The following NCOR2 variants were observed in gnomAD, a reference collection of about 807,000 sequenced individuals.
NCOR2 encodes the protein nuclear receptor corepressor 2.
A neutral mutation model predicts 262.9 loss-of-function variants in NCOR2; 81 were observed. The observed-to-expected ratio is 0.31, with a 90% CI of 0.26 to 0.37. The LOEUF is 0.37. NCOR2 is among the 10% of genes least tolerant of loss of function. NCOR2 has a pLI of 1.00. For synonymous variants in NCOR2, 1,659 were observed against 1,559.3 expected (o/e 1.06, Z -1.51); for missense variants, 3,385 against 3,621.4 (o/e 0.93, Z 1.68).
intron 2 of NCOR2, among the ~76,000 whole-genome samples, chr12:124,484,401 G>A (rs571882539): frequency 6.6e-6 from 1 of 152,330 alleles, no homozygotes; most frequent in Non-Finnish European, 1.5e-5. Flanking sequence ...TGTGCCTAGA[G>A]AGGGCATGGC....
chr12:124,480,456 G>A (rs1287505650), intron 3 of NCOR2, among the ~76,000 whole-genome samples: 3 of 152,214 alleles, frequency 2.0e-5, no homozygotes, highest in African/African-American at 7.2e-5. Context: ...CCCTGCCATC[G>A]GCATCCTCTG....
At chr12:124,347,486 C>A (rs771853641) in intron 30 of NCOR2, 2 of 280,722 alleles carry the variant, frequency 7.1e-6, no homozygotes, top group Non-Finnish European at 1.3e-5. Context: ...GTTCTCGGAG[C>A]TCTCCAAGCC....
At chr12:124,499,471 C>T (rs915027504), upstream of NCOR2, among the ~76,000 whole-genome samples, 7 of 151,426 alleles carry the variant, frequency 4.6e-5, no homozygotes, top group South Asian at 2.1e-4. Context: ...CCAGGAGATA[C>T]GAGGAAGAAG....
At position 124,504,238 on chromosome 12, in the gene NCOR2, G is replaced by A. The variant is rs1385376993; in HGVS notation, c.-117-8870C>T. On this transcript the variant is annotated intron_variant, in intron 1 of 46. Transcript: ENST00000404621. This position sits in a 1 kb window ranked among gnomAD's most constrained non-coding sequence, Gnocchi z 4.5. ...GTACAGGGTAGAGATACGTGGGCCAGGTTAAAGCCAGAAAGCTGGGGTGCC... is the reference window on the plus strand; with the variant it reads ...GTACAGGGTAGAGATACGTGGGCCAAGTTAAAGCCAGAAAGCTGGGGTGCC... Among the ~76,000 whole-genome samples the A allele has an allele frequency of 1.3e-5, 2 of 152,204 alleles. No homozygotes were observed. Among genetic ancestry groups the A allele is most frequent in the African/African-American group, 4.8e-5 (2 of 41,448 alleles).
chr12:124,543,219 G>A (rs1016753972), intron 1 of NCOR2, among the ~76,000 whole-genome samples: 4 of 152,218 alleles, frequency 2.6e-5, no homozygotes, highest in African/African-American at 4.8e-5. Flanking sequence ...GAGGGGGACT[G>A]AGGAGCAACC....
rs562807768 is a variant in NCOR2 at position 124,371,965 on chromosome 12, C to T, written c.2807+57G>A. The T allele has an allele frequency of 2.1e-5, 32 of 1,492,946 alleles. No homozygotes were observed. In the African/African-American group the frequency reaches 3.3e-4, roughly 16 times the overall value. 92.5% of individuals were successfully genotyped at this position (1,492,946 alleles called of 1,614,324 possible). A position where few individuals can be genotyped will look rare whatever the true frequency, so the allele number is the denominator to read the frequency against. ...GGGTGCGGCTGTCTAAGTAGGTAGT[C>T]GCTGCTCAGTGTCTGCAGACAAAAG... On this transcript the variant is annotated intron_variant, in intron 20 of 46. Transcript: ENST00000405201.
intron 3 of NCOR2, among the ~76,000 whole-genome samples, chr12:124,475,282 GA>G (rs2047048016): frequency 6.6e-6 from 1 of 152,154 alleles, no homozygotes; most frequent in Non-Finnish European, 1.5e-5. Flanking sequence ...GGGACACCTA[GA>G]AATCACACCT....
At chr12:124,438,074 G>C (rs2136409349) in intron 7 of NCOR2, 78 bp from the exon 10 acceptor site, 2 of 1,406,520 alleles carry the variant, frequency 1.4e-6, no homozygotes, top group East Asian at 4.9e-5. Context: ...TGTTTGCTGA[G>C]AGTGAGCCCC....
chr12:124,334,705 G>A (rs1345798235), intron 40 of NCOR2, 88 bp from the exon 43 acceptor site: 4 of 693,632 alleles, frequency 5.8e-6, no homozygotes, highest in African/African-American at 1.8e-5. Flanking sequence ...GGAGCTCGGG[G>A]CAGAATCCTG....
At chr12:124,427,815 C>T (rs2043643240) in intron 10 of NCOR2, among the ~76,000 whole-genome samples, 1 of 152,188 alleles carries the variant, frequency 6.6e-6, no homozygotes, top group Non-Finnish European at 1.5e-5. Flanking sequence ...CAGCTGCCTT[C>T]CTGTCCTTCC....
At chr12:124,395,146 A>C (rs1216947869) in intron 16 of NCOR2, among the ~76,000 whole-genome samples, 2 of 152,176 alleles carry the variant, frequency 1.3e-5, no homozygotes, top group African/African-American at 4.8e-5. Context: ...AGAGTGAGGC[A>C]CTATGTTGCT....
At chr12:124,383,466 C>T (rs979605115) in intron 17 of NCOR2, 8 of 907,582 alleles carry the variant, frequency 8.8e-6, no homozygotes, top group African/African-American at 1.8e-5. Flanking sequence ...TTAAGCATGG[C>T]CCGTGCCACC....
chr12:124,488,211 C>T (rs1380361778), intron 1 of NCOR2, among the ~76,000 whole-genome samples: 1 of 152,108 alleles, frequency 6.6e-6, no homozygotes, highest in Admixed American at 6.5e-5. Context: ...CTGTTGCAGA[C>T]CCAACAAAAT....
chr12:124,434,580 T>C (rs2044219738), intron 8 of NCOR2, among the ~76,000 whole-genome samples: 1 of 152,076 alleles, frequency 6.6e-6, no homozygotes, highest in Non-Finnish European at 1.5e-5. Flanking sequence ...CTGAGCTCCT[T>C]CCAGCAGCTG....
At position 124,503,709 on chromosome 12, in the gene NCOR2, T is replaced by TGGAC. The variant is rs1408805283; in HGVS notation, c.-117-8345_-117-8342dup. Among the ~76,000 whole-genome samples, 688 of 146,596 alleles carry TGGAC rather than the reference T, an allele frequency of 4.7e-3. 23 individuals are homozygous for TGGAC. The East Asian group carries it at 0.093, about 20-fold the overall frequency. On this transcript the variant is annotated intron_variant, in intron 1 of 46. Coordinates refer to the NCOR2 transcript ENST00000404621. The surrounding 1 kb of genome is among the most constrained non-coding windows in gnomAD (Gnocchi z 4.3). ...ATGGATGGATGGATGGATGGATGGA[T>TGGAC]GGACAGACGAATGGATGGATGGATG...
chr12:124,434,328 T>A (rs1418715705), intron 8 of NCOR2, among the ~76,000 whole-genome samples: 1 of 152,132 alleles, frequency 6.6e-6, no homozygotes, highest in Non-Finnish European at 1.5e-5. Flanking sequence ...CGGCTTCTTA[T>A]ACCACAACAA....
Position 124,432,797 on chromosome 12 carries a change from A to G in NCOR2, c.883-2010T>C, listed in dbSNP as rs2044043206. Among the ~76,000 whole-genome samples, 1 of 146,856 alleles carries G rather than the reference A, an allele frequency of 6.8e-6. No homozygotes were observed. Among genetic ancestry groups the G allele is most frequent in the Middle Eastern group, 3.3e-3 (1 of 302 alleles). On this transcript the variant is annotated intron_variant, in intron 8 of 46. Coordinates refer to ENST00000405201, the Ensembl canonical transcript of NCOR2. This position sits in a 1 kb window ranked among gnomAD's most constrained non-coding sequence, Gnocchi z 5.1. ...GCATGTCCTTTGAGAAGAGATCCCC[A>G]ATCAGCCCAGAGCATAGCTGCCTGG...
exon 20 of NCOR2, chr12:124,372,407 G>A (rs2039577082): frequency 2.0e-6 from 3 of 1,507,844 alleles, no homozygotes; most frequent in South Asian, 2.6e-5. Context: ...GCTGGTGGGG[G>A]CGTAGGGGCT....
intron 7 of NCOR2, among the ~76,000 whole-genome samples, chr12:124,439,306 G>C (rs12830645): frequency 6.6e-6 from 1 of 151,542 alleles, no homozygotes; most frequent in East Asian, 2.0e-4. Context: ...GAGAGAGAGA[G>C]ACAGAGACCC....
Sources: gnomAD v4.1 joint callset for allele counts (sites outside exome capture counted in the v4.1 genomes callset) on GRCh38, gnomAD v4.1.1 for gene constraint, Gnocchi (gnomAD v3.1) non-coding constraint, MANE v1.5 for transcripts, NCBI Gene and HGNC (gene_info 2026-07-23, HGNC 2026-07-21) for gene names.